AK2: variants seen among roughly 807,000 people sequenced by gnomAD.
AK2 encodes adenylate kinase 2, mitochondrial.
In AK2, 15 loss-of-function variants were observed where a neutral mutation model predicts 24.6. The ratio of observed to expected loss-of-function variants is 0.61; its 90% CI spans 0.41 to 0.94. The LOEUF is 0.94. Ranked by LOEUF, AK2 falls within the 40% of genes least tolerant of loss-of-function variation. AK2 has a pLI of 0.00. For synonymous variants in AK2, 102 were observed against 114.0 expected, an observed-to-expected ratio of 0.90 and a Z score of 0.67; for missense variants, 257 against 304.1, an observed-to-expected ratio of 0.85 and a Z score of 1.15.
intron 5 of AK2, 173 bp downstream of exon 5, chr1:33,014,349 C>A: frequency 1.7e-6 from 1 of 593,478 alleles, no homozygotes; most frequent in Non-Finnish European, 3.1e-6. Context: ...CCTGAGGAGA[C>A]ACTGAATAGA....
intron 2 of AK2, among the ~76,000 whole-genome samples, chr1:33,023,679 A>G (rs1639691654): frequency 1.3e-5 from 2 of 152,198 alleles, no homozygotes; most frequent in African/African-American, 2.4e-5. Context: ...ACAGAGCCAT[A>G]AAGCAGGTTA....
At chr1:33,013,468 A>T (rs1340151370) in intron 5 of AK2, 66 bp from the exon 6 acceptor site, 31 of 1,560,898 alleles carry the variant, frequency 2.0e-5, no homozygotes, top group Non-Finnish European at 2.5e-5. Flanking sequence ...TCCATGCCAG[A>T]TGCAGATTTG....
chr1:33,009,557 T>C lies in AK2; in HGVS notation c.*3624A>G, dbSNP rs1309161508. ...TGCCAGGTACTGAGCAAAAACCTTC[T>C]TCCTATAAATTTCATTTAATGCCAT... is the stretch of plus-strand genomic sequence containing the variant. On this transcript the variant is annotated 3_prime_UTR_variant, in exon 6 of 6. Transcript: ENST00000672715. The C allele has an allele frequency of 1.3e-5, 6 of 454,022 alleles. No homozygotes were observed. In the Admixed American group the frequency reaches 1.4e-4, roughly 11 times the overall value. 28.1% of individuals were successfully genotyped at this position (454,022 alleles called of 1,614,324 possible). A position where few individuals can be genotyped will look rare whatever the true frequency, so the allele number is the denominator to read the frequency against.
intron 4 of AK2, among the ~76,000 whole-genome samples, chr1:33,020,575 T>G (rs550080088): frequency 2.6e-5 from 4 of 152,180 alleles, no homozygotes; most frequent in African/African-American, 4.8e-5. Context: ...CCAGGCACAG[T>G]GGCTCAAGCC....
intron 2 of AK2, among the ~76,000 whole-genome samples, chr1:33,023,869 C>T (rs991655342): frequency 2.6e-5 from 4 of 152,144 alleles, no homozygotes; most frequent in Admixed American, 2.6e-4. Flanking sequence ...AAATAACTTG[C>T]ACTCTAAAAA....
intron 2 of AK2, chr1:33,024,136 A>G: frequency 2.8e-6 from 1 of 356,498 alleles, no homozygotes; most frequent in Non-Finnish European, 5.4e-6. Flanking sequence ...GCGCCACTGC[A>G]CTCCAGCCTG....
At chr1:33,013,820 G>A (rs766952535) in intron 5 of AK2, among the ~76,000 whole-genome samples, 2 of 152,184 alleles carry the variant, frequency 1.3e-5, no homozygotes, top group Non-Finnish European at 2.9e-5. Flanking sequence ...TAAATATTTA[G>A]TGTATTTACT....
chr1:33,031,047 G>A (rs750269286), intron 1 of AK2: 4 of 151,810 alleles, frequency 2.6e-5, no homozygotes. Context: ...ACCTGTGTTT[G>A]CATTTCAGAT....
intron 1 of AK2, among the ~76,000 whole-genome samples, chr1:33,025,142 A>C (rs1639796651): frequency 6.8e-6 from 1 of 147,916 alleles, no homozygotes; most frequent in South Asian, 2.2e-4. Context: ...CTGAGATTGC[A>C]CCACAGCACT....
Position 33,036,804 on chromosome 1 carries a change from C to T in AK2, c.25G>A (p.Glu9Lys), listed in dbSNP as rs267606647. 2.4e-4 allele frequency: 385 copies of T among 1,596,510 alleles called. 5 individuals are homozygous for T. The South Asian group carries it at 4.1e-3, about 17-fold the overall frequency. The change falls in exon 1 of 6, where the codon GAA becomes AAA. Residue 9 changes from glutamate (E) to lysine (K), a missense_variant. Coordinates refer to ENST00000672715, the MANE Select transcript of AK2 (RefSeq NM_001625.4). MAPSVPAA[E>K]PEYPKGIRAV... is the part of the protein sequence containing the mutation. Reference sequence around the variant, plus strand: ...CGGATGCCTTTAGGATACTCGGGTTCTGCCGCTGGCACGCTGGGAGCCATG... The same window carrying T: ...CGGATGCCTTTAGGATACTCGGGTTTTGCCGCTGGCACGCTGGGAGCCATG...
intron 4 of AK2, chr1:33,019,862 C>G: frequency 7.8e-7 from 1 of 1,288,708 alleles, no homozygotes; most frequent in Non-Finnish European, 9.8e-7. Flanking sequence ...CAATGGTTAA[C>G]CTACTGTGAA....
chr1:33,028,998 A>G (rs1640076122), intron 1 of AK2, among the ~76,000 whole-genome samples: 1 of 152,148 alleles, frequency 6.6e-6, no homozygotes, highest in African/African-American at 2.4e-5. Context: ...TGTCATCCTG[A>G]ACAAATTACA....
chr1:33,014,529 T>C lies in AK2; in HGVS notation c.491A>G (p.Lys164Arg), dbSNP rs1464840895. The change falls in exon 5 of 6, where the codon AAA becomes AGA. Residue 164 changes from lysine (K) to arginine (R), a missense_variant. Physicochemically the swap from Lys to Arg is conservative, Grantham distance 26. Transcript: ENST00000672715. Reference sequence around the variant, plus strand: ...TGTCCTGAGTTTACATACGTCATCTTTCATGGGCTCTTTTGGAGGGTTGAA... The same window carrying C: ...TGTCCTGAGTTTACATACGTCATCTCTCATGGGCTCTTTTGGAGGGTTGAA... ...EEFNPPKEPM[K>R]DDITGEPLIR... 7.4e-6 allele frequency: 12 copies of C among 1,612,514 alleles called. No homozygotes were observed. The highest frequency in any genetic ancestry group is 9.3e-6 in the Non-Finnish European group (11 of 1,178,910).
rs568803362 is a variant in AK2 at position 33,009,667 on chromosome 1, T to C, written c.*3514A>G. 7.0e-5 allele frequency: 32 copies of C among 454,010 alleles called. No individual in the cohort carries two copies. The highest frequency in any genetic ancestry group is 1.3e-4 in the Non-Finnish European group (30 of 226,796). 28.1% of individuals were successfully genotyped at this position (454,010 alleles called of 1,614,324 possible). On this transcript the variant is annotated 3_prime_UTR_variant, in exon 6 of 6. Coordinates refer to ENST00000672715, the MANE Select transcript of AK2 (RefSeq NM_001625.4). ...TGAATAACTAACTGGCTGGGATTTGTCCTAGGTCCCCTGAACTCCAAGCAC... is the reference window on the plus strand; with the variant it reads ...TGAATAACTAACTGGCTGGGATTTGCCCTAGGTCCCCTGAACTCCAAGCAC...
chr1:33,014,664 T>C, intron 4 of AK2, 70 bp from the exon 5 acceptor site: 2 of 1,352,544 alleles, frequency 1.5e-6, no homozygotes, highest in South Asian at 1.2e-5. Context: ...TCTAGGGGGC[T>C]CCAGAATGAC....
Position 33,008,432 on chromosome 1 carries a change from C to T in AK2, c.*4749G>A, listed in dbSNP as rs1298379356. Reference sequence around the variant, plus strand: ...TGACACTTTGTGCACACAGGAGATCCTAAGACACATACCCTAGGCCCTCAG... The same window carrying T: ...TGACACTTTGTGCACACAGGAGATCTTAAGACACATACCCTAGGCCCTCAG... On this transcript the variant is annotated 3_prime_UTR_variant, in exon 6 of 6. Coordinates refer to ENST00000672715, the MANE Select transcript of AK2 (RefSeq NM_001625.4). The T allele has an allele frequency of 2.2e-6, 1 of 454,070 alleles. No individual in the cohort carries two copies. Among genetic ancestry groups the T allele is most frequent in the Middle Eastern group, 6.9e-4 (1 of 1,444 alleles). 28.1% of individuals were successfully genotyped at this position (454,070 alleles called of 1,614,324 possible).
Position 33,010,393 on chromosome 1 carries a change from C to T in AK2, c.*2788G>A, listed in dbSNP as rs1306313223. 1 of 330,980 alleles carries T rather than the reference C, an allele frequency of 3.0e-6. No individual in the cohort carries two copies. The highest frequency in any genetic ancestry group is 5.6e-6 in the Non-Finnish European group (1 of 178,292). 20.5% of individuals were successfully genotyped at this position (330,980 alleles called of 1,614,324 possible). A position where few individuals can be genotyped will look rare whatever the true frequency, so the allele number is the denominator to read the frequency against. On this transcript the variant is annotated 3_prime_UTR_variant, in exon 6 of 6. Coordinates refer to ENST00000672715, the MANE Select transcript of AK2 (RefSeq NM_001625.4). The stretch of plus-strand genomic sequence containing the variant: ...GTGGAACCGGAGTCAGTAATCAAAG[C>T]TCCCTGTTCCAAGCTATAGACAGAC...
chr1:33,025,768 T>C (rs1039182581), intron 1 of AK2, among the ~76,000 whole-genome samples: 11 of 152,192 alleles, frequency 7.2e-5, no homozygotes, highest in African/African-American at 2.7e-4. Context: ...ATCACTGGGT[T>C]GATGAGAAGA....
Position 33,012,995 on chromosome 1 carries a change from C to A in AK2, c.*186G>T. 6.3e-7 allele frequency: 1 copy of A among 1,590,582 alleles called. No homozygotes were observed. Among genetic ancestry groups the A allele is most frequent in the Admixed American group, 1.7e-5 (1 of 59,588 alleles). On this transcript the variant is annotated 3_prime_UTR_variant, in exon 6 of 6. Coordinates refer to ENST00000672715, the MANE Select transcript of AK2 (RefSeq NM_001625.4). ...ACACATATGTGCATGCACACACACA[C>A]ACACACAACACACATACACACAGAT...
Sources: allele counts gnomAD v4.1 joint callset (sites outside exome capture counted in the v4.1 genomes callset), GRCh38; gene constraint gnomAD v4.1.1; transcripts MANE v1.5; gene names NCBI Gene and HGNC (gene_info 2026-07-23, HGNC 2026-07-21).